The following ARHGEF10 variants were observed in gnomAD, a reference collection of about 807,000 sequenced individuals.
ARHGEF10 encodes the protein Rho guanine nucleotide exchange factor (GEF) 10.
In ARHGEF10, 140 loss-of-function variants were observed where a neutral mutation model predicts 147.4. The ratio of observed to expected loss-of-function variants is 0.95; its 90% CI spans 0.83 to 1.09. The LOEUF is 1.09. ARHGEF10 is among the 50% of genes least tolerant of loss of function. ARHGEF10 has a pLI of 0.00. For synonymous variants in ARHGEF10, 902 were observed against 695.8 expected (o/e 1.30, Z -4.67); for missense variants, 2,222 against 1,752.7 (o/e 1.27, Z -4.78).
rs1563286235 is a variant in ARHGEF10 at position 1,919,996 on chromosome 8, G to GTGATGGAGCTGTTCTGTGGA, written c.2144-2952_2144-2933dup. Reference sequence around the variant, plus strand: ...CTGTGGGTGATGAGCTGTTCTGTCAGTGATGGAGCTGTTCTGTGGATGATG... The same window carrying GTGATGGAGCTGTTCTGTGGA: ...CTGTGGGTGATGAGCTGTTCTGTCAGTGATGGAGCTGTTCTGTGGATGATGGAGCTGTTCTGTGGATGATG... On this transcript the variant is annotated intron_variant, in intron 18 of 28. Transcript: ENST00000349830. Among the ~76,000 whole-genome samples, 192 of 141,812 alleles carry GTGATGGAGCTGTTCTGTGGA rather than the reference G, an allele frequency of 1.4e-3. 3 individuals carry two copies. Among genetic ancestry groups the GTGATGGAGCTGTTCTGTGGA allele is most frequent in the Non-Finnish European group, 2.3e-3 (145 of 64,354 alleles). 93.0% of individuals were successfully genotyped at this position (141,812 alleles called of 152,430 possible).
At chr8:1,840,707 A>G (rs956109776) in intron 1 of ARHGEF10, among the ~76,000 whole-genome samples, 1 of 152,124 alleles carries the variant, frequency 6.6e-6, no homozygotes, top group African/African-American at 2.4e-5. Flanking sequence ...GTTTCCTCCC[A>G]TGAGCGTCAT....
At chr8:1,841,943 GACCGGAACTGGGGCC>G (rs1804094446) in intron 1 of ARHGEF10, among the ~76,000 whole-genome samples, 1 of 89,398 alleles carries the variant, frequency 1.1e-5, no homozygotes, top group African/African-American at 6.0e-5. Flanking sequence ...CTGGGGCCGC[GACCGGAACTGGGGCC>G]GCGACCGGAA....
At position 1,880,060 on chromosome 8, in the gene ARHGEF10, C is replaced by T; in HGVS notation, c.856C>T (p.Leu286=). The T allele has an allele frequency of 6.2e-7, 1 of 1,612,612 alleles. No homozygotes were observed. The highest frequency in any genetic ancestry group is 8.5e-7 in the Non-Finnish European group (1 of 1,178,620). ...SNHKKQLSHD[L]TRLKEHYEKK... ...CTTTATGCTGTAGCTTTCTCATGAC[C>T]TAACCCGTTTAAAGGAGCACTATGA... Residue 286 remains leucine, a synonymous_variant, in exon 9 of 29, where the codon CTA becomes TTA. Coordinates refer to ENST00000349830, the MANE Select transcript of ARHGEF10 (RefSeq NM_014629.4).
intron 1 of ARHGEF10, among the ~76,000 whole-genome samples, chr8:1,827,726 T>C (rs1563142154): frequency 6.6e-6 from 1 of 152,254 alleles, no homozygotes; most frequent in Non-Finnish European, 1.5e-5. Flanking sequence ...ATGGGGGTTG[T>C]TGGTATTTTA....
In ARHGEF10 at chr8:1,849,008, G is replaced by T. The variant is rs576173845; in HGVS notation, c.37+5572G>T. 1.8e-4 allele frequency among the ~76,000 whole-genome samples: 27 copies of T among 152,154 alleles called. 1 individual carries two copies. In the East Asian group the frequency reaches 4.4e-3, roughly 25 times the overall value. On this transcript the variant is annotated intron_variant, in intron 2 of 28. Coordinates refer to ENST00000349830, the MANE Select transcript of ARHGEF10 (RefSeq NM_014629.4). Reference sequence around the variant, plus strand: ...TTACCTATTTAACTTGTAAAGCTCCGTGGCTTTTACTGTATTCACAAGCAT... The same window carrying T: ...TTACCTATTTAACTTGTAAAGCTCCTTGGCTTTTACTGTATTCACAAGCAT...
In ARHGEF10 at chr8:1,905,594, C is replaced by T. The variant is rs752281581; in HGVS notation, c.1845C>T (p.Tyr615=). ...AGCTTCTCAGCAGTGGAAGCCGATA[C>T]CTCATTCGATCAGATGATATGATAG... ...LNKLLSSGSR[Y]LIRSDDMIET... The change falls in exon 17 of 29, where the codon TAC becomes TAT. Residue 615 remains tyrosine, a synonymous_variant. Coordinates refer to ENST00000349830, the MANE Select transcript of ARHGEF10 (RefSeq NM_014629.4). 1 of 1,614,202 alleles carries T rather than the reference C, an allele frequency of 6.2e-7. No individual in the cohort carries two copies. The highest frequency in any genetic ancestry group is 1.7e-5 in the Admixed American group (1 of 60,022).
rs1563240789 is a variant in ARHGEF10 at position 1,890,152 on chromosome 8, G to GGAGACACTGAATAGGGTGAGGGTTGTGAA, written c.1183-3407_1183-3406insATAGGGTGAGGGTTGTGAAGAGACACTGA. Among the ~76,000 whole-genome samples, 362 of 42,732 alleles carry GGAGACACTGAATAGGGTGAGGGTTGTGAA rather than the reference G, an allele frequency of 8.5e-3. 4 individuals carry two copies. The highest frequency in any genetic ancestry group is 9.9e-3 in the African/African-American group (113 of 11,398). 28.0% of individuals were successfully genotyped at this position (42,732 alleles called of 152,430 possible). ...AACGGAGTGGGGTGAGGGTTTGTGA[G>GGAGACACTGAATAGGGTGAGGGTTGTGAA]GAGACACTGAGTGGGGTGAGGGTTT... is the stretch of plus-strand genomic sequence containing the variant. On this transcript the variant is annotated intron_variant, in intron 11 of 28. Coordinates refer to ENST00000349830, the MANE Select transcript of ARHGEF10 (RefSeq NM_014629.4).
intron 2 of ARHGEF10, among the ~76,000 whole-genome samples, chr8:1,852,529 C>A (rs537819518): frequency 6.6e-6 from 1 of 151,852 alleles, no homozygotes; most frequent in African/African-American, 2.4e-5. Flanking sequence ...CCCTCTAGAA[C>A]CTCTCCATCA....
At position 1,831,447 on chromosome 8, in the gene ARHGEF10, C is replaced by T. The variant is rs1480025890; in HGVS notation, c.-48+7334C>T. Among the ~76,000 whole-genome samples the T allele has an allele frequency of 3.0e-5, 4 of 132,168 alleles. 1 individual carries two copies. Among genetic ancestry groups the T allele is most frequent in the Non-Finnish European group, 6.5e-5 (4 of 61,464 alleles). The allele number at this position is 132,168 out of a possible 152,430, so 86.7% of individuals were successfully genotyped here. On this transcript the variant is annotated intron_variant, in intron 1 of 28. Coordinates refer to ENST00000349830, the MANE Select transcript of ARHGEF10 (RefSeq NM_014629.4). ...AGACAGTGTGACATCTGTGGAGGGACAGTGTGACGGCCGTGGAGGGACAGT... is the reference window on the plus strand; with the variant it reads ...AGACAGTGTGACATCTGTGGAGGGATAGTGTGACGGCCGTGGAGGGACAGT...
chr8:1,922,385 T>C lies in ARHGEF10; in HGVS notation c.2144-579T>C, dbSNP rs543010691. Among the ~76,000 whole-genome samples the C allele has an allele frequency of 1.5e-4, 23 of 152,134 alleles. No homozygotes were observed. The East Asian group carries it at 2.9e-3, about 19-fold the overall frequency. Reference sequence around the variant, plus strand: ...GTCATTTCTAAGTGCCTCTTACTAATAGCTGTTATGTCAACGGTGTCTAAA... The same window carrying C: ...GTCATTTCTAAGTGCCTCTTACTAACAGCTGTTATGTCAACGGTGTCTAAA... On this transcript the variant is annotated intron_variant, in intron 18 of 28. Transcript: ENST00000349830.
At chr8:1,908,521 C>G (rs141616634) in intron 17 of ARHGEF10, among the ~76,000 whole-genome samples, 195 of 152,116 alleles carry the variant, frequency 1.3e-3, no homozygotes, top group Admixed American at 2.3e-3. Flanking sequence ...CGTGAGCCAC[C>G]GCGCCCGGCC....
At chr8:1,902,754 C>A (rs964554721) in intron 15 of ARHGEF10, among the ~76,000 whole-genome samples, 12 of 152,150 alleles carry the variant, frequency 7.9e-5, no homozygotes, top group African/African-American at 2.9e-4. Context: ...GACATGGACC[C>A]ACCACGATAG....
intron 1 of ARHGEF10, among the ~76,000 whole-genome samples, chr8:1,842,461 C>T (rs993446411): frequency 6.6e-6 from 1 of 152,190 alleles, no homozygotes; most frequent in Non-Finnish European, 1.5e-5. Flanking sequence ...TACGTGAGGC[C>T]GGTGACCACC....
chr8:1,884,839 A>C (rs1337316779), intron 10 of ARHGEF10, among the ~76,000 whole-genome samples: 1 of 152,168 alleles, frequency 6.6e-6, no homozygotes, highest in Non-Finnish European at 1.5e-5. Context: ...ACCACAGCTC[A>C]CTGCAGCCTC....
At chr8:1,920,515 G>C (rs988007677) in intron 18 of ARHGEF10, among the ~76,000 whole-genome samples, 7 of 151,326 alleles carry the variant, frequency 4.6e-5, no homozygotes, top group African/African-American at 1.7e-4. Flanking sequence ...CTATGTTTTT[G>C]GTTTTTAAAA....
At chr8:1,886,800 C>T (rs62477543) in intron 11 of ARHGEF10, among the ~76,000 whole-genome samples, 32,370 of 152,120 alleles carry the variant, frequency 0.21, 4,199 homozygotes, top group East Asian at 0.4. Flanking sequence ...ATCATCAGAA[C>T]TGCATCCTCC....
At chr8:1,935,097 A>C (rs1813468881) in intron 26 of ARHGEF10, among the ~76,000 whole-genome samples, 1 of 152,232 alleles carries the variant, frequency 6.6e-6, no homozygotes, top group Admixed American at 6.5e-5. Context: ...ATTGCCTATT[A>C]AAACAAGGTA....
intron 4 of ARHGEF10, among the ~76,000 whole-genome samples, 196 bp from the exon 5 acceptor site, chr8:1,864,177 C>G (rs1326727974): frequency 6.6e-6 from 1 of 152,146 alleles, no homozygotes; most frequent in East Asian, 1.9e-4. Context: ...CTCAGTAGAT[C>G]ACATTTTATT....
At chr8:1,834,303 T>C (rs1803449065) in intron 1 of ARHGEF10, among the ~76,000 whole-genome samples, 1 of 152,208 alleles carries the variant, frequency 6.6e-6, no homozygotes, top group South Asian at 2.1e-4. Flanking sequence ...TGCTTCTCTT[T>C]TCACTGTTTT....
Sources: allele counts gnomAD v4.1 joint callset (sites outside exome capture counted in the v4.1 genomes callset), GRCh38; gene constraint gnomAD v4.1.1; transcripts MANE v1.5; gene names NCBI Gene and HGNC (gene_info 2026-07-23, HGNC 2026-07-21).